DMD: variants seen among roughly 807,000 people sequenced by gnomAD.
DMD encodes dystrophin, also known as mutant dystrophin.
DMD carries 63 observed loss-of-function variants against 330.1 expected under a neutral mutation model. That is an observed-to-expected ratio of 0.19 (90% CI 0.16 to 0.24). The LOEUF is 0.24. Ranked by LOEUF, DMD falls within the 10% of genes least tolerant of loss-of-function variation. The pLI is 1.00. For missense variants in DMD, 3,344 were observed against 2,684.1 expected (o/e 1.25, Z -5.43); for synonymous variants, 1,223 against 959.8 (o/e 1.27, Z -5.07).
At chrX:32,213,330 C>T (rs2097100199) in intron 44 of DMD, among the ~76,000 whole-genome samples, 1 of 112,087 alleles carries the variant, frequency 8.9e-6, no homozygotes, top group African/African-American at 3.2e-5. Flanking sequence ...CAACAAAGGC[C>T]AAGATAGCAG....
intron 55 of DMD, among the ~76,000 whole-genome samples, chrX:31,586,412 T>C (rs1318282668): frequency 8.9e-6 from 1 of 112,770 alleles, no homozygotes; most frequent in East Asian, 2.8e-4. Context: ...TCTTTCCATG[T>C]GCTAGTTTGA....
At chrX:32,578,989 T>A (rs1481120412) in intron 13 of DMD, among the ~76,000 whole-genome samples, 2 of 111,459 alleles carry the variant, frequency 1.8e-5, no homozygotes, top group Non-Finnish European at 3.8e-5. Flanking sequence ...AACTATGCAG[T>A]TAAAACGTAT....
chrX:31,138,682 A>AGG lies in DMD; in HGVS notation c.10922-4489_10922-4488insCC, dbSNP rs2035630354. 2.1e-3 allele frequency among the ~76,000 whole-genome samples: 128 copies of AGG among 61,181 alleles called. 8 individuals are homozygous for AGG. The highest frequency in any genetic ancestry group is 0.015 in the South Asian group (19 of 1,242). The allele number at this position is 61,181 out of a possible 115,157, so 53.1% of individuals were successfully genotyped here. The stretch of plus-strand genomic sequence containing the variant: ...GAGAGAGAGAGAGAGAGAGAGAGAG[A>AGG]GAGAGAAGGGGGAAGTGCCACACAC... On this transcript the variant is annotated intron_variant, in intron 76 of 78. Coordinates refer to ENST00000357033, the MANE Select transcript of DMD (RefSeq NM_004006.3).
intron 62 of DMD, among the ~76,000 whole-genome samples, chrX:31,293,950 G>C (rs907413982): frequency 9.0e-6 from 1 of 111,565 alleles, no homozygotes; most frequent in African/African-American, 3.3e-5. Context: ...GAGCCAAGGA[G>C]TTCGAGGTCA....
At chrX:32,599,120 ACAAAAG>A (rs2055896338) in intron 12 of DMD, among the ~76,000 whole-genome samples, 1 of 112,443 alleles carries the variant, frequency 8.9e-6, no homozygotes, top group Admixed American at 9.5e-5. Context: ...TAGCTGTAAG[ACAAAAG>A]CTATGGTAAA....
At chrX:33,130,468 T>C (rs1338410199) in intron 1 of DMD, among the ~76,000 whole-genome samples, 1 of 109,915 alleles carries the variant, frequency 9.1e-6, no homozygotes, top group East Asian at 2.9e-4. Context: ...CGACGATCAT[T>C]GGTGGGGCTT....
At chrX:32,830,978 C>T (rs1035576801) in intron 4 of DMD, among the ~76,000 whole-genome samples, 2 of 111,325 alleles carry the variant, frequency 1.8e-5, no homozygotes. Flanking sequence ...CTCCTGCTGT[C>T]TATTTTAAAG....
chrX:32,247,782 C>T (rs886318584), intron 43 of DMD, among the ~76,000 whole-genome samples: 1 of 111,098 alleles, frequency 9.0e-6, no homozygotes, highest in African/African-American at 3.3e-5. Flanking sequence ...TTCATAATTC[C>T]TTTCTGTATA....
At chrX:32,177,228 A>T (rs2147414683) in intron 44 of DMD, among the ~76,000 whole-genome samples, 1 of 111,922 alleles carries the variant, frequency 8.9e-6, no homozygotes, top group East Asian at 2.8e-4. Context: ...TCTCTGAACC[A>T]TTCTCCACAC....
At chrX:33,137,063 T>G (rs2095531911) in intron 1 of DMD, among the ~76,000 whole-genome samples, 2 of 110,988 alleles carry the variant, frequency 1.8e-5, no homozygotes, top group South Asian at 7.6e-4. Context: ...TCTAGAAATA[T>G]CCTTTCTATA....
chrX:31,605,811 G>T (rs1329965506), intron 55 of DMD, among the ~76,000 whole-genome samples: 1 of 111,920 alleles, frequency 8.9e-6, no homozygotes, highest in Non-Finnish European at 1.9e-5. Context: ...CTTGAGAAGA[G>T]ATTAGATATT....
intron 26 of DMD, among the ~76,000 whole-genome samples, chrX:32,450,986 G>A (rs1292741880): frequency 9.0e-6 from 1 of 110,968 alleles, no homozygotes; most frequent in Non-Finnish European, 1.9e-5. Context: ...AAGGTAGAAA[G>A]CTAAATGACT....
intron 1 of DMD, among the ~76,000 whole-genome samples, chrX:33,115,740 C>T (rs2095378605): frequency 9.1e-6 from 1 of 109,589 alleles, no homozygotes; most frequent in Non-Finnish European, 1.9e-5. Flanking sequence ...TGGTCTCGAT[C>T]TCCTGACCTC....
upstream of DMD, among the ~76,000 whole-genome samples, chrX:33,213,936 C>T (rs149384281): frequency 2.7e-3 from 297 of 111,379 alleles, no homozygotes; most frequent in African/African-American, 9.0e-3. Flanking sequence ...AGTCACCCTC[C>T]CTAAATATCC....
Position 32,322,014 on chromosome X carries a change from A to G in DMD, c.5923-11738T>C, listed in dbSNP as rs148009952. ...GAATGATCATGGCTAAAAATAAAAT[A>G]TGGGTTCTTTACAGTCAACCAGAAG... On this transcript the variant is annotated intron_variant, in intron 41 of 78. Coordinates refer to ENST00000357033, the MANE Select transcript of DMD (RefSeq NM_004006.3). 3.0e-3 allele frequency among the ~76,000 whole-genome samples: 339 copies of G among 111,446 alleles called. 11 individuals carry two copies. The East Asian group carries it at 0.081, about 27-fold the overall frequency.
intron 1 of DMD, among the ~76,000 whole-genome samples, chrX:33,327,696 A>G (rs900913386): frequency 3.6e-5 from 4 of 111,847 alleles, no homozygotes; most frequent in African/African-American, 1.3e-4. Context: ...AAAGGCAGGT[A>G]GTGACCCAAA....
At chrX:33,141,438 C>T (rs1390377752) in intron 1 of DMD, among the ~76,000 whole-genome samples, 3 of 111,460 alleles carry the variant, frequency 2.7e-5, no homozygotes, top group Non-Finnish European at 3.8e-5. Context: ...ATATTTTTTG[C>T]TGCTCTCACC....
chrX:32,411,937 A>C (rs774062242), intron 29 of DMD, 24 bp from the exon 30 acceptor site: 3 of 1,206,759 alleles, frequency 2.5e-6, no homozygotes, highest in Non-Finnish European at 3.4e-6. Flanking sequence ...ATAAGAGTGT[A>C]TCAGTTAAAT....
intron 18 of DMD, among the ~76,000 whole-genome samples, chrX:32,510,216 G>A (rs950006855): frequency 1.8e-5 from 2 of 111,564 alleles, no homozygotes; most frequent in African/African-American, 3.3e-5. Context: ...GCTAAACATC[G>A]TGATTTTTCT....
Sources: allele counts gnomAD v4.1 joint callset (sites outside exome capture counted in the v4.1 genomes callset), GRCh38; gene constraint gnomAD v4.1.1; transcripts MANE v1.5; gene names NCBI Gene and HGNC (gene_info 2026-07-23, HGNC 2026-07-21).